The following FAM227B variants were observed in gnomAD, a reference collection of about 807,000 sequenced individuals.
The protein encoded by FAM227B is protein FAM227B.
In FAM227B, 88 loss-of-function variants were observed where a neutral mutation model predicts 73.8. The ratio of observed to expected loss-of-function variants is 1.19; its 90% CI spans 1.00 to 1.42. The LOEUF (loss-of-function observed/expected upper bound fraction) is 1.42. Among genes scored for constraint, FAM227B ranks in the 40% most tolerant of loss-of-function variants. The pLI is 0.00. For missense variants in FAM227B, 632 were observed against 590.9 expected (o/e 1.07, Z -0.72); for synonymous variants, 210 against 190.5 (o/e 1.10, Z -0.84).
At position 49,577,678 on chromosome 15, in the gene FAM227B, T is replaced by C; in HGVS notation, c.406-14A>G. On this transcript the variant is annotated splice_polypyrimidine_tract_variant and intron_variant, in intron 5 of 15. Coordinates refer to ENST00000299338, the MANE Select transcript of FAM227B (RefSeq NM_152647.3). ...TTCATCTGAAAGCTGGAAAACATTT[T>C]AAATAAACTCTTTAAAACTCTAAAT... 1 of 1,511,788 alleles carries C rather than the reference T, an allele frequency of 6.6e-7. No homozygotes were observed. Among genetic ancestry groups the C allele is most frequent in the Non-Finnish European group, 9.1e-7 (1 of 1,104,402 alleles). The allele number at this position is 1,511,788 out of a possible 1,614,324, so 93.6% of individuals were successfully genotyped here.
chr15:49,549,101 T>C (rs1432812004), intron 9 of FAM227B, among the ~76,000 whole-genome samples: 1 of 152,098 alleles, frequency 6.6e-6, no homozygotes, highest in Non-Finnish European at 1.5e-5. Flanking sequence ...TTAGAGACTG[T>C]TTCTTTGAAG....
intron 11 of FAM227B, among the ~76,000 whole-genome samples, chr15:49,482,315 C>T (rs2056024916): frequency 6.6e-6 from 1 of 151,904 alleles, no homozygotes; most frequent in Non-Finnish European, 1.5e-5. Context: ...TAGTAAGTTA[C>T]CATTCTTGTG....
chr15:49,545,884 T>G (rs1210840346), intron 9 of FAM227B, among the ~76,000 whole-genome samples: 1 of 151,948 alleles, frequency 6.6e-6, no homozygotes, highest in Non-Finnish European at 1.5e-5. Context: ...TTTCTTAAAT[T>G]TATTGAGACT....
intron 11 of FAM227B, among the ~76,000 whole-genome samples, chr15:49,410,800 C>T (rs1414095234): frequency 6.6e-6 from 1 of 152,022 alleles, no homozygotes; most frequent in East Asian, 1.9e-4. Flanking sequence ...ACTTCTATAA[C>T]ATGATGCTAC....
intron 11 of FAM227B, among the ~76,000 whole-genome samples, chr15:49,495,492 C>T (rs1470329182): frequency 6.6e-6 from 1 of 152,108 alleles, no homozygotes; most frequent in African/African-American, 2.4e-5. Context: ...TAACAAATTG[C>T]TACCACTTTG....
At chr15:49,355,221 A>C (rs1019540144) in intron 13 of FAM227B, among the ~76,000 whole-genome samples, 21 of 152,352 alleles carry the variant, frequency 1.4e-4, no homozygotes, top group East Asian at 7.7e-4. Flanking sequence ...TCACCAGCAA[A>C]GGAACAAAGC....
At chr15:49,434,349 T>C (rs2050892326) in intron 11 of FAM227B, 1 of 151,482 alleles carries the variant, frequency 6.6e-6, no homozygotes, top group Non-Finnish European at 1.5e-5. Flanking sequence ...AAGAATGCAA[T>C]AGTAAGCAAA....
intron 11 of FAM227B, among the ~76,000 whole-genome samples, chr15:49,453,038 C>T (rs1433780194): frequency 2.0e-5 from 3 of 152,036 alleles, no homozygotes; most frequent in East Asian, 1.9e-4. Context: ...AATCACTTTT[C>T]TCCTTTCTCT....
At chr15:49,365,909 T>A in intron 13 of FAM227B, 2 of 965,062 alleles carry the variant, frequency 2.1e-6, no homozygotes, top group East Asian at 2.4e-5. Flanking sequence ...TTGTACAGAC[T>A]CATTGCTGAT....
chr15:49,354,884 T>G (rs2042859481), intron 13 of FAM227B, among the ~76,000 whole-genome samples: 1 of 152,142 alleles, frequency 6.6e-6, no homozygotes, highest in South Asian at 2.1e-4. Flanking sequence ...AGCATGCAGC[T>G]GGAGATCTGA....
At chr15:49,565,895 G>A (rs1409751805) in intron 9 of FAM227B, among the ~76,000 whole-genome samples, 1 of 152,154 alleles carries the variant, frequency 6.6e-6, no homozygotes, top group Non-Finnish European at 1.5e-5. Context: ...AGAGATTGGA[G>A]TGATACAACC....
chr15:49,618,153 G>A (rs2078417203), intron 1 of FAM227B, among the ~76,000 whole-genome samples: 2 of 152,230 alleles, frequency 1.3e-5, no homozygotes, highest in African/African-American at 4.8e-5. Flanking sequence ...TGGAGGTAAG[G>A]ATATAGACAT....
chr15:49,438,595 A>T (rs928378187), intron 11 of FAM227B, among the ~76,000 whole-genome samples: 6 of 151,730 alleles, frequency 4.0e-5, no homozygotes, highest in Non-Finnish European at 5.9e-5. Context: ...GATTGAGTTG[A>T]TAAGAAAGTG....
chr15:49,465,976 T>G (rs2054234567), intron 11 of FAM227B, among the ~76,000 whole-genome samples: 1 of 152,174 alleles, frequency 6.6e-6, no homozygotes. Context: ...CATAAGATAG[T>G]CTCTTCAAAT....
At chr15:49,612,602 A>C (rs1227940174) in intron 2 of FAM227B, among the ~76,000 whole-genome samples, 2 of 152,184 alleles carry the variant, frequency 1.3e-5, no homozygotes, top group Non-Finnish European at 1.5e-5. Context: ...AAAAATAATA[A>C]AAATACTTCT....
At chr15:49,422,942 A>G (rs1181652379) in intron 11 of FAM227B, among the ~76,000 whole-genome samples, 2 of 152,194 alleles carry the variant, frequency 1.3e-5, no homozygotes, top group Admixed American at 6.6e-5. Flanking sequence ...CCCTATATAT[A>G]TGTTCAAATG....
At chr15:49,460,502 G>A (rs957197866) in intron 11 of FAM227B, among the ~76,000 whole-genome samples, 1 of 152,142 alleles carries the variant, frequency 6.6e-6, no homozygotes, top group Non-Finnish European at 1.5e-5. Flanking sequence ...GATTCTTTTT[G>A]AAGGACTATG....
At chr15:49,549,584 G>A (rs1248076174) in intron 9 of FAM227B, among the ~76,000 whole-genome samples, 6 of 151,886 alleles carry the variant, frequency 4.0e-5, no homozygotes, top group African/African-American at 9.7e-5. Flanking sequence ...ATCTTGCACC[G>A]CCCTTAATCC....
intron 9 of FAM227B, among the ~76,000 whole-genome samples, chr15:49,562,826 G>C (rs892241667): frequency 4.6e-5 from 7 of 151,906 alleles, no homozygotes; most frequent in Admixed American, 4.6e-4. Context: ...CCTCAAAAAA[G>C]TAGGCACTGA....
Sources: allele counts gnomAD v4.1 joint callset (sites outside exome capture counted in the v4.1 genomes callset), GRCh38; gene constraint gnomAD v4.1.1; transcripts MANE v1.5; gene names NCBI Gene and HGNC (gene_info 2026-07-23, HGNC 2026-07-21).